RYR2: variants seen among roughly 807,000 people sequenced by gnomAD.
RYR2 encodes the protein ryanodine receptor 2, also known as cardiac muscle ryanodine receptor-calcium release channel.
In RYR2, 227 loss-of-function variants were observed where a neutral mutation model predicts 601.1. The ratio of observed to expected loss-of-function variants is 0.38; its 90% CI spans 0.34 to 0.42. The LOEUF (loss-of-function observed/expected upper bound fraction) is 0.42, where lower values mean the gene tolerates loss of function less well. Among genes scored for constraint, RYR2 ranks in the 10% least tolerant of loss-of-function variants. The pLI is 1.00. For synonymous variants in RYR2, 2,223 were observed against 2,175.1 expected (o/e 1.02, Z -0.61); for missense variants, 4,646 against 6,156.5 (o/e 0.75, Z 8.21).
intron 38 of RYR2, among the ~76,000 whole-genome samples, chr1:237,622,028 G>A (rs796648578): frequency 2.0e-5 from 3 of 152,016 alleles, no homozygotes; most frequent in African/African-American, 7.2e-5. Flanking sequence ...GTTACCAATC[G>A]GGAAACTGCA....
chr1:237,419,733 C>T (rs540445644), intron 11 of RYR2, among the ~76,000 whole-genome samples: 65 of 152,080 alleles, frequency 4.3e-4, no homozygotes, highest in African/African-American at 1.3e-3. Context: ...TTCATATGTA[C>T]GGAATATCAT....
At chr1:237,375,481 A>T (rs1340620588) in intron 7 of RYR2, among the ~76,000 whole-genome samples, 1 of 152,200 alleles carries the variant, frequency 6.6e-6, no homozygotes, top group East Asian at 1.9e-4. Context: ...GAAATAGTTC[A>T]ACTTTTATTA....
At chr1:237,260,639 C>G (rs1346401655) in intron 1 of RYR2, among the ~76,000 whole-genome samples, 4 of 152,036 alleles carry the variant, frequency 2.6e-5, no homozygotes, top group Admixed American at 2.6e-4. Context: ...TCTAGACCAG[C>G]CTGGGCAACA....
chr1:237,382,916 T>G (rs1220565901), intron 8 of RYR2, among the ~76,000 whole-genome samples: 1 of 150,592 alleles, frequency 6.6e-6, no homozygotes, highest in Non-Finnish European at 1.5e-5. Context: ...TTGTTTTTGT[T>G]TTTTTTTTTT....
chr1:237,732,864 C>G (rs555245138), intron 78 of RYR2, among the ~76,000 whole-genome samples: 1 of 152,292 alleles, frequency 6.6e-6, no homozygotes, highest in African/African-American at 2.4e-5. Flanking sequence ...TGCCCCCAGG[C>G]CTTTCCCATT....
intron 3 of RYR2, among the ~76,000 whole-genome samples, chr1:237,348,364 C>T (rs758201951): frequency 6.6e-5 from 10 of 152,086 alleles, no homozygotes; most frequent in African/African-American, 1.9e-4. Context: ...ATGTGACTAT[C>T]GATTCTATGA....
At chr1:237,718,820 C>T (rs181133885) in intron 73 of RYR2, among the ~76,000 whole-genome samples, 19 of 152,150 alleles carry the variant, frequency 1.2e-4, no homozygotes, top group African/African-American at 4.1e-4. Context: ...GGTACATATG[C>T]ACAACATGCA....
At chr1:237,816,017 G>T (rs930768635) in intron 100 of RYR2, among the ~76,000 whole-genome samples, 1 of 152,154 alleles carries the variant, frequency 6.6e-6, no homozygotes, top group Non-Finnish European at 1.5e-5. Context: ...TCCATCAGTT[G>T]CTGGGCAATC....
intron 2 of RYR2, among the ~76,000 whole-genome samples, chr1:237,286,038 G>T (rs1856287): frequency 0.46 from 69,698 of 151,740 alleles, 17,784 homozygotes; most frequent in East Asian, 0.75. Context: ...CTCTGATCTT[G>T]GTTATTTCTT....
At chr1:237,138,274 C>A (rs1232664980) in intron 1 of RYR2, among the ~76,000 whole-genome samples, 1 of 152,050 alleles carries the variant, frequency 6.6e-6, no homozygotes, top group Non-Finnish European at 1.5e-5. Flanking sequence ...CTCAGGTGAT[C>A]CACCCACCTT....
intron 1 of RYR2, among the ~76,000 whole-genome samples, chr1:237,245,683 A>G (rs1396014626): frequency 6.6e-6 from 1 of 152,236 alleles, no homozygotes; most frequent in Admixed American, 6.5e-5. Context: ...TGATTTAGGA[A>G]ATGTATTATA....
chr1:237,196,877 T>A (rs1230730097), intron 1 of RYR2, among the ~76,000 whole-genome samples: 14 of 152,164 alleles, frequency 9.2e-5, no homozygotes, highest in Admixed American at 9.2e-4. Flanking sequence ...AACTTTATAA[T>A]ATCGAGCCTT....
intron 17 of RYR2, among the ~76,000 whole-genome samples, chr1:237,469,697 T>C (rs1056953004): frequency 1.4e-4 from 22 of 152,176 alleles, no homozygotes; most frequent in African/African-American, 5.3e-4. Context: ...GGAGTTCTCA[T>C]TGTTTTCCTT....
At chr1:237,482,427 G>C (rs534134690) in intron 17 of RYR2, among the ~76,000 whole-genome samples, 2 of 151,914 alleles carry the variant, frequency 1.3e-5, no homozygotes, top group Non-Finnish European at 2.9e-5. Flanking sequence ...TTGATTTTTA[G>C]ATCTCGCAAA....
chr1:237,242,120 T>C (rs772687185), intron 1 of RYR2, among the ~76,000 whole-genome samples: 14 of 152,208 alleles, frequency 9.2e-5, no homozygotes, highest in Non-Finnish European at 2.1e-4. Context: ...GGAAAAGTCC[T>C]ATTACTGCTA....
intron 8 of RYR2, among the ~76,000 whole-genome samples, chr1:237,386,356 C>T (rs1701958149): frequency 6.6e-6 from 1 of 152,152 alleles, no homozygotes; most frequent in Non-Finnish European, 1.5e-5. Flanking sequence ...CTGTGGAGTA[C>T]ACCTAAGGTG....
intron 12 of RYR2, among the ~76,000 whole-genome samples, chr1:237,424,244 A>T (rs1474291894): frequency 2.0e-5 from 3 of 152,238 alleles, no homozygotes; most frequent in Non-Finnish European, 4.4e-5. Flanking sequence ...TTGGAACAAT[A>T]TTAAACTACT....
intron 1 of RYR2, among the ~76,000 whole-genome samples, chr1:237,065,333 G>A (rs1663455846): frequency 7.2e-6 from 1 of 139,336 alleles, no homozygotes. Context: ...AGGCTGGAGT[G>A]CAATGGCGTG....
Position 237,595,544 on chromosome 1 carries a change from A to G in RYR2, c.4483A>G (p.Ser1495Gly). The change falls in exon 34 of 105, where the codon AGC becomes GGC. Residue 1495 changes from serine to glycine, a missense_variant. Transcript: ENST00000366574. ...TATGGTATGTGCGGGTGAGAGCATG[A>G]GCCCCGGGCAAGGACGCAACAATAA... ...CYMVCAGESMSPGQGRNNNGL... is the reference protein window; with the variant it reads ...CYMVCAGESMGPGQGRNNNGL... The G allele has an allele frequency of 1.2e-6, 2 of 1,613,736 alleles. No homozygotes were observed. The highest frequency in any genetic ancestry group is 1.7e-6 in the Non-Finnish European group (2 of 1,179,766).
Sources: gnomAD v4.1 joint callset for allele counts (sites outside exome capture counted in the v4.1 genomes callset) on GRCh38, gnomAD v4.1.1 for gene constraint, MANE v1.5 for transcripts, NCBI Gene and HGNC (gene_info 2026-07-23, HGNC 2026-07-21) for gene names.